Variants in CCDC171 observed in about 807,000 individuals in gnomAD.
CCDC171 encodes coiled-coil domain-containing protein 171.
Under a neutral mutation model 168.2 loss-of-function variants are expected in CCDC171, and 177 were observed. The observed-to-expected ratio is 1.05, with a 90% CI of 0.93 to 1.19. CCDC171 has a LOEUF of 1.19. Among genes scored for constraint, CCDC171 ranks in the 50% most tolerant of loss-of-function variants. CCDC171 has a pLI of 0.00. For missense variants in CCDC171, 1,991 were observed against 1,539.0 expected (o/e 1.29, Z -4.91); for synonymous variants, 687 against 540.8 (o/e 1.27, Z -3.75).
intron 21 of CCDC171, among the ~76,000 whole-genome samples, chr9:15,809,620 A>G (rs1360887066): frequency 2.0e-5 from 3 of 148,894 alleles, no homozygotes; most frequent in Non-Finnish European, 4.4e-5. Flanking sequence ...GGAGTTGTTC[A>G]TTCTTCCTGT....
At position 15,971,600 on chromosome 9, in the gene CCDC171, A is replaced by G. The variant is rs753207377; in HGVS notation, c.3754-9A>G. The G allele has an allele frequency of 1.9e-6, 3 of 1,597,908 alleles. No homozygotes were observed. The highest frequency in any genetic ancestry group is 1.7e-5 in the Admixed American group (1 of 59,590). ...TATGTTTATTATTTTTTTCTTTTGTATGTCACAGATAGGATCACGAGACCA... is the reference window on the plus strand; with the variant it reads ...TATGTTTATTATTTTTTTCTTTTGTGTGTCACAGATAGGATCACGAGACCA... On this transcript the variant is annotated splice_polypyrimidine_tract_variant and intron_variant, in intron 25 of 25. Coordinates refer to ENST00000380701, the MANE Select transcript of CCDC171 (RefSeq NM_173550.4).
At chr9:15,616,785 T>C (rs1564058551) in intron 6 of CCDC171, among the ~76,000 whole-genome samples, 1 of 152,244 alleles carries the variant, frequency 6.6e-6, no homozygotes, top group African/African-American at 2.4e-5. Context: ...TGCTTTCATA[T>C]ATGAAAGTAC....
chr9:15,984,402 AT>A (rs1831913557), intron 3 of CCDC171, among the ~76,000 whole-genome samples: 1 of 151,992 alleles, frequency 6.6e-6, no homozygotes, highest in Non-Finnish European at 1.5e-5. Flanking sequence ...GACCATGTAT[AT>A]ATATGAGTGT....
At position 15,678,744 on chromosome 9, in the gene CCDC171, C is replaced by G. The variant is rs996158614; in HGVS notation, c.1077-14C>G. The G allele has an allele frequency of 6.3e-6, 10 of 1,575,096 alleles. No individual in the cohort carries two copies. The East Asian group carries it at 2.0e-4, about 32-fold the overall frequency. ...CATGTTTGAAAAACCTGCTCTGACA[C>G]TTTAACTTTTCAGATTAGAAAAAGA... On this transcript the variant is annotated splice_polypyrimidine_tract_variant and intron_variant, in intron 9 of 25. Transcript: ENST00000380701.
intron 4 of CCDC171, among the ~76,000 whole-genome samples, chr9:15,579,729 A>G (rs777006297): frequency 9.9e-5 from 15 of 152,172 alleles, no homozygotes; most frequent in Admixed American, 6.6e-5. Context: ...ATGGAATCAT[A>G]AAGTATATAT....
chr9:15,635,382 A>G (rs1415666038), intron 7 of CCDC171, among the ~76,000 whole-genome samples: 3 of 152,146 alleles, frequency 2.0e-5, no homozygotes, highest in East Asian at 1.9e-4. Context: ...TGTACTGTAT[A>G]TATATATAAA....
chr9:15,964,736 G>C (rs148467838), intron 25 of CCDC171, among the ~76,000 whole-genome samples: 2 of 152,218 alleles, frequency 1.3e-5, no homozygotes, highest in East Asian at 3.9e-4. Context: ...TAAAATTAAA[G>C]TTTAAATGTT....
chr9:15,587,837 G>A, intron 4 of CCDC171: 2 of 252,186 alleles, frequency 7.9e-6, no homozygotes, highest in South Asian at 8.0e-5. Flanking sequence ...AGGCTCTGCA[G>A]GGAGAACATT....
At chr9:15,944,748 A>G (rs1282638654) in intron 25 of CCDC171, among the ~76,000 whole-genome samples, 2 of 152,030 alleles carry the variant, frequency 1.3e-5, no homozygotes, top group East Asian at 3.9e-4. Flanking sequence ...ACTTGTTTTC[A>G]AAGTAGGAAG....
At chr9:15,855,201 T>G (rs764295425) in intron 23 of CCDC171, among the ~76,000 whole-genome samples, 2 of 151,800 alleles carry the variant, frequency 1.3e-5, no homozygotes, top group Non-Finnish European at 2.9e-5. Flanking sequence ...ATTGTTGAAC[T>G]CTTTTTCCTC....
chr9:15,564,925 T>C (rs757886626), intron 2 of CCDC171, among the ~76,000 whole-genome samples: 1 of 152,160 alleles, frequency 6.6e-6, no homozygotes, highest in Non-Finnish European at 1.5e-5. Context: ...AAAATCATCA[T>C]GGATGGGGTG....
chr9:15,909,285 G>C (rs1279553426), intron 24 of CCDC171, among the ~76,000 whole-genome samples: 1 of 152,070 alleles, frequency 6.6e-6, no homozygotes. Context: ...TTTAAATAGG[G>C]TTTCTCTAAA....
chr9:15,724,758 A>C lies in CCDC171; in HGVS notation c.1492-18A>C, dbSNP rs765306090. Reference sequence around the variant, plus strand: ...TGGCTGGCCTTTCTACAATCTCTTTATTTGGTATCTATGACAGGAACTTCA... The same window carrying C: ...TGGCTGGCCTTTCTACAATCTCTTTCTTTGGTATCTATGACAGGAACTTCA... On this transcript the variant is annotated intron_variant, in intron 13 of 25. Transcript: ENST00000380701. 30 of 1,592,576 alleles carry C rather than the reference A, an allele frequency of 1.9e-5. No homozygotes were observed. The South Asian group carries it at 2.9e-4, about 15-fold the overall frequency.
intron 3 of CCDC171, among the ~76,000 whole-genome samples, chr9:15,988,604 C>T (rs577001893): frequency 2.7e-4 from 41 of 152,234 alleles, no homozygotes; most frequent in African/African-American, 8.9e-4. Flanking sequence ...GCACACCCAC[C>T]GAGCATGAGC....
intron 2 of CCDC171, among the ~76,000 whole-genome samples, chr9:15,569,415 A>G (rs2040018508): frequency 6.6e-6 from 1 of 152,244 alleles, no homozygotes; most frequent in Non-Finnish European, 1.5e-5. Flanking sequence ...GCTTAGAACA[A>G]TGCTTACAAA....
chr9:15,692,693 AATT>A (rs2050900076), intron 10 of CCDC171, among the ~76,000 whole-genome samples: 1 of 151,548 alleles, frequency 6.6e-6, no homozygotes, highest in African/African-American at 2.4e-5. Flanking sequence ...ATGCCCAGCT[AATT>A]TTTTGTATAT....
At chr9:15,610,347 C>T (rs1025042498) in intron 6 of CCDC171, among the ~76,000 whole-genome samples, 2 of 147,534 alleles carry the variant, frequency 1.4e-5, no homozygotes, top group Non-Finnish European at 3.0e-5. Flanking sequence ...TGGCTCATGC[C>T]TGTAATCCCA....
At chr9:15,895,138 C>T (rs1330148440) in intron 24 of CCDC171, among the ~76,000 whole-genome samples, 1 of 152,060 alleles carries the variant, frequency 6.6e-6, no homozygotes, top group Non-Finnish European at 1.5e-5. Context: ...GAACTCTGAG[C>T]CTTGGGACCT....
intron 3 of CCDC171, among the ~76,000 whole-genome samples, chr9:16,015,010 G>C: frequency 6.6e-6 from 1 of 151,852 alleles, no homozygotes; most frequent in East Asian, 1.9e-4. Flanking sequence ...AGACTGTTTC[G>C]TCTACATTAA....
Sources: allele counts gnomAD v4.1 joint callset (sites outside exome capture counted in the v4.1 genomes callset), GRCh38; gene constraint gnomAD v4.1.1; transcripts MANE v1.5; gene names NCBI Gene and HGNC (gene_info 2026-07-23, HGNC 2026-07-21).